Variants in EIF3E observed in about 807,000 individuals in gnomAD.
EIF3E encodes eukaryotic translation initiation factor 3 subunit E.
In EIF3E, 25 loss-of-function variants were observed where a neutral mutation model predicts 59.3. That is an observed-to-expected ratio of 0.42 (90% CI 0.31 to 0.59). EIF3E has a LOEUF of 0.59. Among genes scored for constraint, EIF3E ranks in the 20% least tolerant of loss-of-function variants. EIF3E has a pLI of 0.15. For synonymous variants in EIF3E, 176 were observed against 170.2 expected, an observed-to-expected ratio of 1.03 and a Z score of -0.26; for missense variants, 317 against 534.3, an observed-to-expected ratio of 0.59 and a Z score of 4.01.
chr8:108,228,992 CAT>C, intron 6 of EIF3E, 76 bp downstream of exon 6: 1 of 1,371,700 alleles, frequency 7.3e-7, no homozygotes, highest in Non-Finnish European at 9.6e-7. Context: ...TCCCAAAATG[CAT>C]AGTGATTTTC....
At chr8:108,236,516 A>T (rs919442673) in intron 3 of EIF3E, among the ~76,000 whole-genome samples, 1 of 152,208 alleles carries the variant, frequency 6.6e-6, no homozygotes, top group Non-Finnish European at 1.5e-5. Context: ...GACTATTTCT[A>T]GTAAGGTCAG....
At chr8:108,233,139 T>A (rs549617118) in intron 5 of EIF3E, among the ~76,000 whole-genome samples, 1 of 152,234 alleles carries the variant, frequency 6.6e-6, no homozygotes, top group Non-Finnish European at 1.5e-5. Flanking sequence ...TTACCTTCAA[T>A]GCACTTGCAA....
chr8:108,244,792 A>G (rs887197836), intron 1 of EIF3E, among the ~76,000 whole-genome samples: 1 of 152,046 alleles, frequency 6.6e-6, no homozygotes, highest in Admixed American at 6.6e-5. Context: ...ATTCAGTGTC[A>G]ATCACTAACT....
intron 6 of EIF3E, 148 bp from the exon 7 acceptor site, chr8:108,228,539 T>G: frequency 7.8e-6 from 4 of 512,094 alleles, no homozygotes; most frequent in Non-Finnish European, 9.3e-6. Flanking sequence ...TCCGACCCCC[T>G]ATGCCTTCTC....
chr8:108,223,945 C>T (rs970893073), intron 7 of EIF3E, among the ~76,000 whole-genome samples: 1 of 151,278 alleles, frequency 6.6e-6, no homozygotes, highest in African/African-American at 2.5e-5. Context: ...TGGCCAGGCA[C>T]GGTGGCTCAC....
At position 108,236,212 on chromosome 8, in the gene EIF3E, T is replaced by A. The variant is rs1815726771; in HGVS notation, c.324-9A>T. 1 of 1,606,324 alleles carries A rather than the reference T, an allele frequency of 6.2e-7. No individual in the cohort carries two copies. The highest frequency in any genetic ancestry group is 1.3e-5 in the African/African-American group (1 of 74,568). On this transcript the variant is annotated splice_polypyrimidine_tract_variant and intron_variant, in intron 3 of 12. Transcript: ENST00000220849. ...AGAGCATCCTACCATCCCTAAATAA[T>A]AAAAAACAAAAATTACATTATTTTA...
chr8:108,240,223 G>A (rs1815809211), intron 2 of EIF3E, 148 bp from the exon 3 acceptor site: 5 of 691,636 alleles, frequency 7.2e-6, no homozygotes, highest in Middle Eastern at 3.7e-4. Context: ...GGGCTACTCA[G>A]TCAGAAATGT....
chr8:108,219,332 A>G (rs1207969148), intron 7 of EIF3E, among the ~76,000 whole-genome samples: 1 of 152,172 alleles, frequency 6.6e-6, no homozygotes, highest in African/African-American at 2.4e-5. Context: ...TTTGTAAAGA[A>G]CCAGATAGTA....
chr8:108,236,129 T>C lies in EIF3E; in HGVS notation c.366+32A>G, dbSNP rs201076023. 242 of 1,594,728 alleles carry C rather than the reference T, an allele frequency of 1.5e-4. 2 individuals are homozygous for C. In the African/African-American group the frequency reaches 2.3e-3, roughly 15 times the overall value. On this transcript the variant is annotated intron_variant, in intron 4 of 12. Coordinates refer to ENST00000220849, the MANE Select transcript of EIF3E (RefSeq NM_001568.3). ...GTCTTTAGTCAGCATTATTAAAACA[T>C]GACAACTTTAAAATATTTTTAAAAC...
At chr8:108,210,673 T>C (rs1815189948) in intron 10 of EIF3E, among the ~76,000 whole-genome samples, 1 of 152,224 alleles carries the variant, frequency 6.6e-6, no homozygotes, top group African/African-American at 2.4e-5. Context: ...TGCACACATG[T>C]GCCATGTTGG....
chr8:108,240,757 T>G (rs890768061), intron 2 of EIF3E, among the ~76,000 whole-genome samples: 1 of 152,102 alleles, frequency 6.6e-6, no homozygotes, highest in Non-Finnish European at 1.5e-5. Context: ...CAAGGCGGGC[T>G]GATCACGAGG....
intron 2 of EIF3E, 134 bp downstream of exon 2, chr8:108,241,665 C>T (rs536904070): frequency 6.3e-6 from 3 of 473,388 alleles, no homozygotes; most frequent in African/African-American, 6.1e-5. Context: ...CTTTATATAA[C>T]CTCTCACCCA....
At chr8:108,210,843 G>C (rs1197374667) in intron 10 of EIF3E, among the ~76,000 whole-genome samples, 1 of 151,810 alleles carries the variant, frequency 6.6e-6, no homozygotes, top group Non-Finnish European at 1.5e-5. Flanking sequence ...GAGAACATGC[G>C]GTGTTTGGTT....
intron 10 of EIF3E, among the ~76,000 whole-genome samples, chr8:108,206,415 T>C (rs190932193): frequency 5.9e-5 from 9 of 152,226 alleles, no homozygotes; most frequent in East Asian, 1.9e-4. Context: ...ATCTGGAGAT[T>C]TGGGAACAGC....
At chr8:108,242,341 A>G in intron 1 of EIF3E, 15 of 1,289,556 alleles carry the variant, frequency 1.2e-5, no homozygotes, top group Non-Finnish European at 1.5e-5. Flanking sequence ...ACATTGCTGA[A>G]ACAACCTGCA....
At chr8:108,214,494 AAAAT>A (rs1815267017) in intron 10 of EIF3E, 109 bp downstream of exon 10, 3 of 810,494 alleles carry the variant, frequency 3.7e-6, no homozygotes, top group Admixed American at 7.4e-5. Context: ...TCTGAAAGCA[AAAAT>A]AAATAAAAAT....
chr8:108,228,736 T>C (rs1189229302), intron 6 of EIF3E, among the ~76,000 whole-genome samples: 1 of 152,184 alleles, frequency 6.6e-6, no homozygotes, highest in East Asian at 1.9e-4. Flanking sequence ...TAGATAATTG[T>C]AGATGAAAAC....
chr8:108,228,177 C>A, intron 7 of EIF3E, 90 bp downstream of exon 7: 1 of 1,335,680 alleles, frequency 7.5e-7, no homozygotes, highest in Non-Finnish European at 9.9e-7. Flanking sequence ...ACAACAAATT[C>A]AAATGATAGA....
rs567496646 is a variant in EIF3E at position 108,236,289 on chromosome 8, G to A, written c.324-86C>T. 65 of 958,434 alleles carry A rather than the reference G, an allele frequency of 6.8e-5. No homozygotes were observed. The African/African-American group carries it at 8.7e-4, about 13-fold the overall frequency. 59.4% of individuals were successfully genotyped at this position (958,434 alleles called of 1,614,324 possible). ...ATCCAACTTCTAAGTTATTACCTAC[G>A]CAAAGTCACCTTAAATAAATACTTA... On this transcript the variant is annotated intron_variant, in intron 3 of 12. Transcript: ENST00000220849.
Sources: gnomAD v4.1 joint callset for allele counts (sites outside exome capture counted in the v4.1 genomes callset) on GRCh38, gnomAD v4.1.1 for gene constraint, MANE v1.5 for transcripts, NCBI Gene and HGNC (gene_info 2026-07-23, HGNC 2026-07-21) for gene names.